Variants in HGS observed in about 807,000 individuals in gnomAD.
HGS encodes human growth factor-regulated tyrosine kinase substrate.
Under a neutral mutation model 109.7 loss-of-function variants are expected in HGS, and 63 were observed. The observed-to-expected ratio is 0.57, with a 90% CI of 0.47 to 0.71. The LOEUF is 0.71. HGS is among the 30% of genes least tolerant of loss of function. HGS has a pLI of 0.00. For synonymous variants in HGS, 546 were observed against 437.3 expected (o/e 1.25, Z -3.10); for missense variants, 995 against 1,068.3 (o/e 0.93, Z 0.96).
chr17:81,688,981 T>C (rs1048527915), intron 5 of HGS, among the ~76,000 whole-genome samples, 154 bp downstream of exon 5: 9 of 152,178 alleles, frequency 5.9e-5, no homozygotes, highest in African/African-American at 1.7e-4. Flanking sequence ...AGACCGTGCA[T>C]GTGAGGGCGG....
chr17:81,684,922 G>T (rs146168799), intron 1 of HGS: 3 of 985,384 alleles, frequency 3.0e-6, no homozygotes, highest in Non-Finnish European at 3.6e-6. Flanking sequence ...TGAATCCAGA[G>T]GTTAACTACT....
chr17:81,686,619 C>T (rs868547560), intron 3 of HGS, among the ~76,000 whole-genome samples: 2 of 152,230 alleles, frequency 1.3e-5, no homozygotes, highest in African/African-American at 2.4e-5. Flanking sequence ...TTCAGCCGGT[C>T]CTGCGTGAGT....
rs2037060475 is a variant in HGS, at chr17:81,691,269, C to G, written c.538-178C>G. 1 of 709,094 alleles carries G rather than the reference C, an allele frequency of 1.4e-6. No homozygotes were observed. The highest frequency in any genetic ancestry group is 2.4e-6 in the Non-Finnish European group (1 of 421,780). 43.9% of individuals were successfully genotyped at this position (709,094 alleles called of 1,614,324 possible). A position where few individuals can be genotyped will look rare whatever the true frequency, so the allele number is the denominator to read the frequency against. ...AAAACGGTGGCTGGCGTTGAGACTC[C>G]CGGGAGCATGTCCAGGTTCCCCGGC... On this transcript the variant is annotated intron_variant, in intron 7 of 21. Transcript: ENST00000329138. This position sits in a 1 kb window ranked among gnomAD's most constrained non-coding sequence, Gnocchi z 5.3.
chr17:81,700,515 C>T lies in HGS; in HGVS notation c.1931C>T (p.Ala644Val), dbSNP rs781164697. 3 of 1,607,636 alleles carry T rather than the reference C, an allele frequency of 1.9e-6. No homozygotes were observed. The highest frequency in any genetic ancestry group is 1.7e-6 in the Non-Finnish European group (2 of 1,176,880). ...AYMYPAGATG[A>V]QAAPQAQAGP... ...ATGTACCCAGCAGGGGCCACTGGGG[C>T]GCAGGCGGCCCCCCAGGCCCAGGCC... Residue 644 changes from alanine (A) to valine (V), a missense_variant, in exon 19 of 22, where the codon GCG becomes GTG. Ala to Val is a moderately conservative substitution (Grantham distance 64, BLOSUM62 0). Around this residue, in one of 6 missense-constraint regions of HGS, gnomAD observed 326 missense variants for 309.7 expected, o/e 1.05. Coordinates refer to ENST00000329138, the MANE Select transcript of HGS (RefSeq NM_004712.5).
At chr17:81,697,194 G>A (rs758375265) in intron 18 of HGS, 196 bp downstream of exon 18, 78 of 631,528 alleles carry the variant, frequency 1.2e-4, no homozygotes, top group Admixed American at 2.2e-4. Context: ...CAGTCCGTGC[G>A]TGGCAGGTAC....
intron 4 of HGS, among the ~76,000 whole-genome samples, chr17:81,687,979 C>T (rs1186752456): frequency 6.6e-6 from 1 of 152,194 alleles, no homozygotes; most frequent in African/African-American, 2.4e-5. Context: ...CTCCTGAGCT[C>T]CTTCAGTCAG....
In HGS at chr17:81,696,807, G is replaced by C; in HGVS notation, c.1708-17G>C. 6.2e-7 allele frequency: 1 copy of C among 1,603,802 alleles called. No homozygotes were observed. Among genetic ancestry groups the C allele is most frequent in the Non-Finnish European group, 8.5e-7 (1 of 1,173,386 alleles). ...GGGCTGAGGACCAACTCTCACCGCT[G>C]TCTCTTTTGTCCCCAGCTCCAGGCC... On this transcript the variant is annotated splice_polypyrimidine_tract_variant and intron_variant, in intron 17 of 21. Transcript: ENST00000329138.
At chr17:81,687,128 C>T in intron 4 of HGS, 33 bp downstream of exon 4, 2 of 1,483,624 alleles carry the variant, frequency 1.3e-6, no homozygotes, top group Middle Eastern at 3.5e-4. Context: ...GGTGGCCACC[C>T]AGGCTGGCAC....
rs771278404 is a variant in HGS, at chr17:81,701,062, C to T, written c.2154C>T (p.Leu718=). ...PYNMQNLMTT[L]PSQDASLPPQ... ...CACAACAGAATCTCATGACCACCCT[C>T]CCAAGCCAGGATGCGTCTCTGCCAC... Residue 718 remains leucine (L), a synonymous_variant, in exon 21 of 22, where the codon CTC becomes CTT. Coordinates refer to ENST00000329138, the MANE Select transcript of HGS (RefSeq NM_004712.5). The T allele has an allele frequency of 3.7e-5, 60 of 1,614,092 alleles. No homozygotes were observed. Among genetic ancestry groups the T allele is most frequent in the Non-Finnish European group, 5.1e-5 (60 of 1,179,996 alleles).
At position 81,687,037 on chromosome 17, in the gene HGS, C is replaced by G. The variant is rs754679254; in HGVS notation, c.233C>G (p.Thr78Arg). 3.0e-5 allele frequency: 49 copies of G among 1,613,274 alleles called. No homozygotes were observed. The highest frequency in any genetic ancestry group is 4.0e-5 in the Non-Finnish European group (47 of 1,179,940). ...TCTGTGGTAAAGAACTGTGGCCAGA[C>G]AGTTCATGATGAGGTGGCCAACAAG... ...MESVVKNCGQ[T>R]VHDEVANKQT... The change falls in exon 4 of 22, where the codon ACA (threonine) becomes AGA (arginine). Residue 78 changes from threonine to arginine, a missense_variant. Coordinates refer to ENST00000329138, the MANE Select transcript of HGS (RefSeq NM_004712.5).
chr17:81,700,889 G>A (rs2037227295), intron 20 of HGS, 75 bp downstream of exon 20: 2 of 1,574,052 alleles, frequency 1.3e-6, no homozygotes, highest in African/African-American at 1.3e-5. Context: ...CTTTGGTGAG[G>A]CTGGCAGGCA....
At position 81,695,153 on chromosome 17, in the gene HGS, C is replaced by G. The variant is rs759754932; in HGVS notation, c.1120-11C>G. ...ACAGGTTGGAGGCCCCACTCATTCTCTCTCTTCCAGAACCCCCTCCCGGAG... is the reference window on the plus strand; with the variant it reads ...ACAGGTTGGAGGCCCCACTCATTCTGTCTCTTCCAGAACCCCCTCCCGGAG... On this transcript the variant is annotated splice_polypyrimidine_tract_variant and intron_variant, in intron 13 of 21. Transcript: ENST00000329138. 2 of 1,614,048 alleles carry G rather than the reference C, an allele frequency of 1.2e-6. No individual in the cohort carries two copies. Among genetic ancestry groups the G allele is most frequent in the South Asian group, 1.1e-5 (1 of 91,046 alleles).
rs1220262718 is a variant in HGS at position 81,694,932 on chromosome 17, G to T, written c.984G>T (p.Arg328=). ...CCCCTCATTGCCTGCAGCTCGCACG[G>T]TATCTCAACCGGAACTACTGGGAGA... ...LAEDIDPELA[R]YLNRNYWEKK... The change falls in exon 13 of 22, where the codon CGG becomes CGT. Residue 328 remains arginine, a synonymous_variant. Transcript: ENST00000329138. The T allele has an allele frequency of 1.9e-6, 3 of 1,614,210 alleles. No individual in the cohort carries two copies. The highest frequency in any genetic ancestry group is 2.5e-6 in the Non-Finnish European group (3 of 1,180,038).
In HGS at chr17:81,696,667, C is replaced by T. The variant is rs1471047168; in HGVS notation, c.1627C>T (p.Arg543Trp). The change falls in exon 17 of 22, where the codon CGG becomes TGG. Residue 543 changes from arginine (R) to tryptophan (W), a missense_variant. Arg to Trp is a moderately radical substitution (Grantham distance 101). Transcript: ENST00000329138. Reference protein sequence around the residue: ...IQRLQEQEKERQMRLEQQKQT... With the variant: ...IQRLQEQEKEWQMRLEQQKQT... ...GCGCCTGCAGGAGCAGGAGAAGGAG[C>T]GGCAGATGCGGCTGGAGCAGCAGAA... The T allele has an allele frequency of 9.9e-6, 16 of 1,611,898 alleles. No individual in the cohort carries two copies. Among genetic ancestry groups the T allele is most frequent in the East Asian group, 4.5e-5 (2 of 44,856 alleles).
chr17:81,697,349 G>GGC (rs2037168001), intron 18 of HGS: 1 of 61,802 alleles, frequency 1.6e-5, no homozygotes, highest in African/African-American at 7.6e-5. Flanking sequence ...CGTGGCATTT[G>GGC]CCCCCCCCCC....
At chr17:81,692,949 T>C in intron 8 of HGS, 1 of 152,038 alleles carries the variant, frequency 6.6e-6, no homozygotes, top group Non-Finnish European at 1.5e-5. Flanking sequence ...AGGCGGAGAT[T>C]GCAGTGAGCC....
In HGS at chr17:81,701,686, C is replaced by T. The variant is rs1157407282; in HGVS notation, c.*68C>T. Reference sequence around the variant, plus strand: ...ACCTGAAACGCCTCGTCTCTAACTGCCGTCGTCCTGCCTCCCTGTCCTCTA... The same window carrying T: ...ACCTGAAACGCCTCGTCTCTAACTGTCGTCGTCCTGCCTCCCTGTCCTCTA... On this transcript the variant is annotated 3_prime_UTR_variant, in exon 22 of 22. Coordinates refer to ENST00000329138, the MANE Select transcript of HGS (RefSeq NM_004712.5). The T allele has an allele frequency of 2.7e-6, 4 of 1,502,444 alleles. No individual in the cohort carries two copies. Among genetic ancestry groups the T allele is most frequent in the Non-Finnish European group, 3.6e-6 (4 of 1,121,988 alleles). The allele number at this position is 1,502,444 out of a possible 1,614,324, so 93.1% of individuals were successfully genotyped here.
intron 20 of HGS, 99 bp downstream of exon 20, chr17:81,700,913 A>G (rs2037227712): frequency 1.3e-6 from 2 of 1,542,598 alleles, no homozygotes; most frequent in Non-Finnish European, 1.8e-6. Context: ...GGTGGGCTCC[A>G]CCCCTTCTGC....
chr17:81,696,389 C>T lies in HGS; in HGVS notation c.1426C>T (p.Gln476Ter). The change falls in exon 16 of 22, where the codon CAG becomes TAG. Residue 476 changes from glutamine (Q) to a stop codon, truncating the protein, a stop_gained. Coordinates refer to ENST00000329138, the MANE Select transcript of HGS (RefSeq NM_004712.5). LOFTEE classifies it high-confidence loss of function. ...YYEGLQDKLA[Q>*]IRDARGALSA... ...TGAGGGGCTGCAGGACAAGCTGGCA[C>T]AGATCCGCGATGCCCGGGGGGCGCT... is the stretch of plus-strand genomic sequence containing the variant. 2 of 1,589,194 alleles carry T rather than the reference C, an allele frequency of 1.3e-6. No individual in the cohort carries two copies. Among genetic ancestry groups the T allele is most frequent in the Non-Finnish European group, 1.7e-6 (2 of 1,170,266 alleles).
Sources: allele counts gnomAD v4.1 joint callset (sites outside exome capture counted in the v4.1 genomes callset), GRCh38; gene constraint gnomAD v4.1.1; regional missense constraint gnomAD v4.1.1; non-coding constraint Gnocchi (gnomAD v3.1); transcripts MANE v1.5; gene names NCBI Gene and HGNC (gene_info 2026-07-23, HGNC 2026-07-21).